SIK3: variants seen among roughly 807,000 people sequenced by gnomAD.
SIK3 encodes SIK family kinase 3, also known as serine/threonine-protein kinase SIK3.
A neutral mutation model predicts 144.2 loss-of-function variants in SIK3; 28 were observed. The observed-to-expected ratio is 0.19, with a 90% CI of 0.14 to 0.27. The LOEUF (loss-of-function observed/expected upper bound fraction) is 0.27. SIK3 is among the 10% of genes least tolerant of loss of function. The pLI is 1.00. For synonymous variants in SIK3, 686 were observed against 676.3 expected (o/e 1.01, Z -0.22); for missense variants, 1,319 against 1,776.0 (o/e 0.74, Z 4.62).
chr11:116,910,827 AAC>A (rs1946300260), intron 4 of SIK3, among the ~76,000 whole-genome samples: 1 of 151,962 alleles, frequency 6.6e-6, no homozygotes. Flanking sequence ...GAACAACAAC[AAC>A]AAAAAAAACA....
chr11:116,859,201 C>T, intron 20 of SIK3, 64 bp downstream of exon 20: 2 of 1,474,058 alleles, frequency 1.4e-6, no homozygotes, highest in South Asian at 2.6e-5. Context: ...TCTCACTCTG[C>T]TAAGGGGCTT....
At chr11:117,070,954 A>G (rs754756738) in intron 1 of SIK3, among the ~76,000 whole-genome samples, 1 of 150,570 alleles carries the variant, frequency 6.6e-6, no homozygotes, top group African/African-American at 2.4e-5. Context: ...GGGTTTCACC[A>G]TGTTGGCCAG....
chr11:117,045,805 C>T (rs1952937195), intron 1 of SIK3, among the ~76,000 whole-genome samples: 1 of 152,192 alleles, frequency 6.6e-6, no homozygotes, highest in Non-Finnish European at 1.5e-5. Context: ...GCATCTGTTT[C>T]TTAAAATCTG....
At chr11:116,946,870 C>T (rs1402093557) in intron 3 of SIK3, among the ~76,000 whole-genome samples, 2 of 152,006 alleles carry the variant, frequency 1.3e-5, no homozygotes, top group African/African-American at 4.8e-5. Context: ...AATCCCAGCA[C>T]TTTGGGAGGC....
rs541510072 is a variant in SIK3 at position 116,873,540 on chromosome 11, G to A, written c.1678C>T (p.His560Tyr). The change falls in exon 13 of 25, where the codon CAT becomes TAT. Residue 560 changes from histidine (H) to tyrosine (Y), a missense_variant. Physicochemically the swap from His to Tyr is moderately conservative, Grantham distance 83. This residue lies in a region of SIK3 where 167 missense variants were observed against 263.3 expected (regional missense o/e 0.63). Coordinates refer to ENST00000445177, the MANE Select transcript of SIK3 (RefSeq NM_001366686.3). ...ASDGGANIQL[H>Y]AQQLLKRPRG... Reference sequence around the variant, plus strand: ...GGGCGCTTCAGCAGCTGCTGGGCATGCAGTTGGATGTTGGCTCCTCCATCT... The same window carrying A: ...GGGCGCTTCAGCAGCTGCTGGGCATACAGTTGGATGTTGGCTCCTCCATCT... The A allele has an allele frequency of 2.1e-4, 337 of 1,613,198 alleles. 6 individuals carry two copies. The South Asian group carries it at 3.4e-3, about 16-fold the overall frequency.
At chr11:116,987,102 G>T (rs1268782708) in intron 1 of SIK3, among the ~76,000 whole-genome samples, 1 of 152,064 alleles carries the variant, frequency 6.6e-6, no homozygotes, top group Non-Finnish European at 1.5e-5. Flanking sequence ...TGGTTACAAT[G>T]CTAAGTTTTA....
At chr11:116,983,869 AGC>A (rs1950234656) in intron 1 of SIK3, among the ~76,000 whole-genome samples, 1 of 152,044 alleles carries the variant, frequency 6.6e-6, no homozygotes, top group Non-Finnish European at 1.5e-5. Flanking sequence ...CTGCTTGACC[AGC>A]CTGGGCAACA....
chr11:116,979,430 T>C (rs1950064525), intron 1 of SIK3, among the ~76,000 whole-genome samples: 1 of 152,238 alleles, frequency 6.6e-6, no homozygotes, highest in Admixed American at 6.5e-5. Flanking sequence ...GTGGCTCACC[T>C]TCTCACTCTA....
chr11:116,853,884 A>T (rs1305853989), intron 21 of SIK3, among the ~76,000 whole-genome samples: 1 of 152,202 alleles, frequency 6.6e-6, no homozygotes, highest in Non-Finnish European at 1.5e-5. Flanking sequence ...GCAGGCAGGG[A>T]GATTACGGAC....
At chr11:116,907,209 G>A (rs1429667478) in intron 4 of SIK3, among the ~76,000 whole-genome samples, 1 of 152,182 alleles carries the variant, frequency 6.6e-6, no homozygotes, top group African/African-American at 2.4e-5. Context: ...CAAGTATAAA[G>A]GTTAAAGAAA....
At chr11:116,975,567 T>A (rs1365779689) in intron 1 of SIK3, among the ~76,000 whole-genome samples, 1 of 152,232 alleles carries the variant, frequency 6.6e-6, no homozygotes. Flanking sequence ...TGCCAAATAA[T>A]ATTCCATTGT....
chr11:116,868,089 C>T lies in SIK3; in HGVS notation c.1809G>A (p.Arg603=). The change falls in exon 15 of 25, where the codon AGG becomes AGA. Residue 603 remains arginine (R), a splice_region_variant and synonymous_variant. Coordinates refer to ENST00000445177, the MANE Select transcript of SIK3 (RefSeq NM_001366686.3). ...DGEPDQEAVQ[R]YLANRSKRHT... ...GTCTTTTGGACCTATTTGCCAAGTA[C>T]CTGCAACAAGCAGGAGCACATTTCA... 6.4e-7 allele frequency: 1 copy of T among 1,550,586 alleles called. No homozygotes were observed. Among genetic ancestry groups the T allele is most frequent in the Non-Finnish European group, 8.7e-7 (1 of 1,146,994 alleles).
chr11:116,991,538 C>G (rs1950501392), intron 1 of SIK3, among the ~76,000 whole-genome samples: 1 of 152,150 alleles, frequency 6.6e-6, no homozygotes, highest in South Asian at 2.1e-4. Flanking sequence ...ACTCTAATAA[C>G]TAAGTTACAA....
intron 3 of SIK3, among the ~76,000 whole-genome samples, chr11:116,946,252 C>G (rs1948582001): frequency 6.6e-6 from 1 of 152,154 alleles, no homozygotes; most frequent in South Asian, 2.1e-4. Context: ...TGTCAAGTAT[C>G]AAGAGGGTCT....
At chr11:117,037,571 C>T (rs779673681) in intron 1 of SIK3, among the ~76,000 whole-genome samples, 1 of 152,168 alleles carries the variant, frequency 6.6e-6, no homozygotes, top group African/African-American at 2.4e-5. Flanking sequence ...GGTGTTAGTA[C>T]TGAGGACGGG....
intron 1 of SIK3, among the ~76,000 whole-genome samples, chr11:117,004,495 G>A (rs1257974880): frequency 6.6e-6 from 1 of 152,034 alleles, no homozygotes; most frequent in Non-Finnish European, 1.5e-5. Flanking sequence ...CAGCCTGGGT[G>A]ACAAAGTGAG....
Position 116,927,387 on chromosome 11 carries a change from TGAA to T in SIK3, c.455-10_455-8del. 2 of 1,610,938 alleles carry T rather than the reference TGAA, an allele frequency of 1.2e-6. No individual in the cohort carries two copies. The highest frequency in any genetic ancestry group is 1.7e-6 in the Non-Finnish European group (2 of 1,178,648). On this transcript the variant is annotated splice_polypyrimidine_tract_variant and splice_region_variant and intron_variant, in intron 3 of 24. Transcript: ENST00000445177. Reference sequence around the variant, plus strand: ...CCATGGGCCACCAGGTGGTCTGTGTTGAAGAAGAATACAGTCAGTTTTCATTTT... The same window carrying T: ...CCATGGGCCACCAGGTGGTCTGTGTTGAAGAATACAGTCAGTTTTCATTTT...
chr11:116,956,653 T>C (rs17120177), intron 2 of SIK3, among the ~76,000 whole-genome samples: 6,799 of 152,242 alleles, frequency 0.045, 225 homozygotes, highest in Middle Eastern at 0.11. Flanking sequence ...TAAAATAAAT[T>C]CTCATCATCT....
intron 3 of SIK3, among the ~76,000 whole-genome samples, chr11:116,936,893 T>G (rs1187089807): frequency 6.6e-6 from 1 of 152,246 alleles, no homozygotes; most frequent in Non-Finnish European, 1.5e-5. Flanking sequence ...CTTGCTGGAA[T>G]GCCTGTCTCC....
Sources: allele counts gnomAD v4.1 joint callset (sites outside exome capture counted in the v4.1 genomes callset), GRCh38; gene constraint gnomAD v4.1.1; regional missense constraint gnomAD v4.1.1; transcripts MANE v1.5; gene names NCBI Gene and HGNC (gene_info 2026-07-23, HGNC 2026-07-21).